The following CCSER2 variants were observed in gnomAD, a reference collection of about 807,000 sequenced individuals.
CCSER2 encodes serine-rich coiled-coil domain-containing protein 2.
CCSER2 carries 46 observed loss-of-function variants against 92.3 expected under a neutral mutation model. That is an observed-to-expected ratio of 0.50 (90% CI 0.39 to 0.64). The LOEUF is 0.64. CCSER2 is among the 30% of genes least tolerant of loss of function. The pLI is 0.00. For synonymous variants in CCSER2, 433 were observed against 431.4 expected, an observed-to-expected ratio of 1.00 and a Z score of -0.04; for missense variants, 1,244 against 1,238.9, an observed-to-expected ratio of 1.00 and a Z score of -0.06.
chr10:84,329,666 C>T (rs1843453055), intron 1 of CCSER2, among the ~76,000 whole-genome samples: 1 of 152,134 alleles, frequency 6.6e-6, no homozygotes, highest in East Asian at 1.9e-4. Flanking sequence ...AAAGCATCAT[C>T]TTTTAGACTA....
intron 5 of CCSER2, among the ~76,000 whole-genome samples, chr10:84,426,757 T>A (rs1210096598): frequency 6.6e-6 from 1 of 152,084 alleles, no homozygotes; most frequent in Non-Finnish European, 1.5e-5. Context: ...AGGGAAAAAA[T>A]TGATTCTAAG....
At chr10:84,472,758 T>A (rs1846892448) in intron 8 of CCSER2, among the ~76,000 whole-genome samples, 1 of 152,198 alleles carries the variant, frequency 6.6e-6, no homozygotes, top group African/African-American at 2.4e-5. Flanking sequence ...GATAAAGTAT[T>A]CTTTTAACCT....
chr10:84,386,564 A>G (rs1218526926), intron 3 of CCSER2, among the ~76,000 whole-genome samples: 6 of 152,164 alleles, frequency 3.9e-5, no homozygotes, highest in Non-Finnish European at 1.5e-5. Flanking sequence ...TAAAACTACA[A>G]AAATTAGCCA....
chr10:84,384,534 C>G (rs908130119), intron 3 of CCSER2, among the ~76,000 whole-genome samples: 7 of 152,166 alleles, frequency 4.6e-5, no homozygotes, highest in African/African-American at 1.7e-4. Context: ...ATGATCATCT[C>G]AATAGATGAA....
chr10:84,447,959 A>G (rs539602255), intron 6 of CCSER2, among the ~76,000 whole-genome samples: 2 of 152,150 alleles, frequency 1.3e-5, no homozygotes, highest in Admixed American at 6.5e-5. Context: ...ATACCCGGCT[A>G]TTTTTGTTAT....
At chr10:84,439,939 A>C (rs1396677580) in intron 6 of CCSER2, among the ~76,000 whole-genome samples, 1 of 152,042 alleles carries the variant, frequency 6.6e-6, no homozygotes, top group Non-Finnish European at 1.5e-5. Context: ...GGTGGTAGGG[A>C]ATGGTGGGAA....
chr10:84,424,056 G>A (rs375330296), intron 4 of CCSER2, among the ~76,000 whole-genome samples: 15 of 151,762 alleles, frequency 9.9e-5, no homozygotes, highest in African/African-American at 3.6e-4. Flanking sequence ...GGAGGTTGAG[G>A]TGGAAGGATC....
intron 1 of CCSER2, among the ~76,000 whole-genome samples, chr10:84,338,710 T>C (rs1185417118): frequency 6.6e-6 from 1 of 152,222 alleles, no homozygotes; most frequent in Non-Finnish European, 1.5e-5. Context: ...GAGCAACTTT[T>C]CCAGGGAAAT....
rs376135346 is a variant in CCSER2 at position 84,371,756 on chromosome 10, C to T, written c.704C>T (p.Pro235Leu). ...SHSIQNSFLP[P>L]SSITRSHSFN... is the part of the protein sequence containing the mutation. ...TCCATTCAGAATTCATTCCTTCCACCTTCATCTATAACCAGATCACATTCC... is the reference window on the plus strand; with the variant it reads ...TCCATTCAGAATTCATTCCTTCCACTTTCATCTATAACCAGATCACATTCC... The change falls in exon 2 of 10, where the codon CCT (proline) becomes CTT (leucine). Residue 235 changes from proline to leucine, a missense_variant. Pro to Leu is a moderately conservative substitution (Grantham distance 98). Transcript: ENST00000372088. 2.8e-5 allele frequency: 45 copies of T among 1,613,344 alleles called. No individual in the cohort carries two copies. Among genetic ancestry groups the T allele is most frequent in the Non-Finnish European group, 3.6e-5 (43 of 1,179,668 alleles).
At chr10:84,351,935 A>G (rs1014386893) in intron 1 of CCSER2, among the ~76,000 whole-genome samples, 3 of 152,170 alleles carry the variant, frequency 2.0e-5, no homozygotes, top group Non-Finnish European at 4.4e-5. Flanking sequence ...CTTTTGGTAC[A>G]GTGTTCTATG....
At chr10:84,487,025 C>G (rs1454084785) in intron 9 of CCSER2, among the ~76,000 whole-genome samples, 1 of 152,052 alleles carries the variant, frequency 6.6e-6, no homozygotes, top group Admixed American at 6.6e-5. Context: ...TCTTGTTTTT[C>G]TCAGGTTTGT....
At chr10:84,349,135 G>A (rs975252958) in intron 1 of CCSER2, among the ~76,000 whole-genome samples, 2 of 152,100 alleles carry the variant, frequency 1.3e-5, no homozygotes, top group South Asian at 2.1e-4. Flanking sequence ...TGAGTCATGA[G>A]TAATTTTTAG....
Position 84,373,617 on chromosome 10 carries a change from AGACAGGAG to A in CCSER2, c.1418-1_1424del. On this transcript the variant is annotated splice_acceptor_variant and coding_sequence_variant, in exon 3 of 10. Coordinates refer to ENST00000372088, the MANE Select transcript of CCSER2 (RefSeq NM_001284240.2). LOFTEE classifies it high-confidence loss of function. ...GAATCAGTAACCTTTTTTCTCTTGA[AGACAGGAG>A]TGAATGTACAAAACATACTTCTGGG... 12 of 1,603,168 alleles carry A rather than the reference AGACAGGAG, an allele frequency of 7.5e-6. No homozygotes were observed. Among genetic ancestry groups the A allele is most frequent in the Non-Finnish European group, 1.0e-5 (12 of 1,171,402 alleles).
chr10:84,496,577 G>A lies in CCSER2; in HGVS notation c.2326-16872G>A, dbSNP rs188202734. Among the ~76,000 whole-genome samples the A allele has an allele frequency of 8.7e-3, 1,322 of 152,260 alleles. 10 individuals carry two copies. The highest frequency in any genetic ancestry group is 0.012 in the Non-Finnish European group (832 of 68,028). ...TGGGATTACAGGCATGAGCCACCGC[G>A]CCCGGCCTTCCCAGTCCTCCCTTTC... On this transcript the variant is annotated intron_variant, in intron 9 of 9. Coordinates refer to ENST00000372088, the MANE Select transcript of CCSER2 (RefSeq NM_001284240.2).
At chr10:84,500,060 G>C in intron 9 of CCSER2, 1 of 1,543,058 alleles carries the variant, frequency 6.5e-7, no homozygotes, top group Non-Finnish European at 8.8e-7. Flanking sequence ...TTTCTATCCT[G>C]AGTGCTCTGC....
At chr10:84,447,736 A>C (rs1320819243) in intron 6 of CCSER2, among the ~76,000 whole-genome samples, 1 of 152,200 alleles carries the variant, frequency 6.6e-6, no homozygotes, top group African/African-American at 2.4e-5. Flanking sequence ...GTAGAGGTCC[A>C]CTTTTATTTG....
chr10:84,335,228 CTTTTTTTTTTT>C (rs1202869188), intron 1 of CCSER2, among the ~76,000 whole-genome samples: 3 of 70,010 alleles, frequency 4.3e-5, no homozygotes, highest in African/African-American at 1.7e-4. Flanking sequence ...CTCTCTCTCT[CTTTTTTTTTTT>C]TTTTTTTTTT....
intron 1 of CCSER2, among the ~76,000 whole-genome samples, chr10:84,344,094 G>A (rs1844350782): frequency 1.3e-5 from 2 of 152,312 alleles, no homozygotes; most frequent in South Asian, 4.1e-4. Context: ...TGTTTCATAA[G>A]CACAAGCTGT....
At chr10:84,384,434 A>T (rs1165790885) in intron 3 of CCSER2, among the ~76,000 whole-genome samples, 2 of 152,236 alleles carry the variant, frequency 1.3e-5, no homozygotes, top group Non-Finnish European at 2.9e-5. Context: ...CATCATGATC[A>T]AGTGGGTTTT....
Sources: allele counts gnomAD v4.1 joint callset (sites outside exome capture counted in the v4.1 genomes callset), GRCh38; gene constraint gnomAD v4.1.1; transcripts MANE v1.5; gene names NCBI Gene and HGNC (gene_info 2026-07-23, HGNC 2026-07-21).